LRP1B: variants seen among roughly 807,000 people sequenced by gnomAD.
LRP1B encodes the protein LDL receptor related protein 1B, also known as low-density lipoprotein receptor-related protein 1B.
LRP1B carries 217 observed loss-of-function variants against 556.6 expected under a neutral mutation model. The ratio of observed to expected loss-of-function variants is 0.39; its 90% CI spans 0.35 to 0.44. The LOEUF (loss-of-function observed/expected upper bound fraction) is 0.44, where lower values mean the gene tolerates loss of function less well. Ranked by LOEUF, LRP1B falls within the 20% of genes least tolerant of loss-of-function variation. The probability of loss-of-function intolerance (pLI) is 1.00; values close to 1 mark genes in which losing one functional copy is unlikely to be tolerated. For missense variants in LRP1B, 5,053 were observed against 5,620.8 expected, an observed-to-expected ratio of 0.90 and a Z score of 3.23; for synonymous variants, 2,047 against 1,865.8, an observed-to-expected ratio of 1.10 and a Z score of -2.50.
At chr2:141,026,897 A>G (rs533299998) in intron 11 of LRP1B, among the ~76,000 whole-genome samples, 1 of 152,118 alleles carries the variant, frequency 6.6e-6, no homozygotes, top group Non-Finnish European at 1.5e-5. Context: ...ACAAATAATG[A>G]AACAAAGACC....
chr2:141,585,268 T>C, intron 2 of LRP1B, among the ~76,000 whole-genome samples: 1 of 152,336 alleles, frequency 6.6e-6, no homozygotes, highest in South Asian at 2.1e-4. Flanking sequence ...TTTTCTATGC[T>C]ATTTATCCTA....
intron 41 of LRP1B, among the ~76,000 whole-genome samples, chr2:140,650,284 G>A (rs945075836): frequency 2.7e-5 from 4 of 150,850 alleles, no homozygotes; most frequent in African/African-American, 9.7e-5. Flanking sequence ...CCGATAGAAA[G>A]TTAGTTAAAT....
intron 2 of LRP1B, among the ~76,000 whole-genome samples, chr2:141,753,166 T>C (rs1694180615): frequency 6.9e-6 from 1 of 144,162 alleles, no homozygotes; most frequent in South Asian, 2.2e-4. Flanking sequence ...GAGAATCGCT[T>C]GAACCTGGGA....
At chr2:141,234,625 C>T (rs300382) in intron 5 of LRP1B, among the ~76,000 whole-genome samples, 61,426 of 151,868 alleles carry the variant, frequency 0.4, 12,741 homozygotes, top group African/African-American at 0.51. Flanking sequence ...GATCTGCCCG[C>T]CTCGGCCTCC....
chr2:140,579,809 T>A (rs1446664825), intron 43 of LRP1B, among the ~76,000 whole-genome samples: 1 of 152,120 alleles, frequency 6.6e-6, no homozygotes, highest in Non-Finnish European at 1.5e-5. Context: ...GCCACTGCAC[T>A]CCAGCCTGGG....
At chr2:140,307,765 T>C (rs1400434444) in intron 83 of LRP1B, among the ~76,000 whole-genome samples, 1 of 151,744 alleles carries the variant, frequency 6.6e-6, no homozygotes, top group South Asian at 2.1e-4. Flanking sequence ...AGTGTTGATT[T>C]TCAGTGATAA....
At chr2:142,112,139 A>G (rs1707014459) in intron 1 of LRP1B, among the ~76,000 whole-genome samples, 2 of 152,022 alleles carry the variant, frequency 1.3e-5, no homozygotes. Flanking sequence ...GCCTAACACC[A>G]CCCAGAAAAC....
intron 72 of LRP1B, among the ~76,000 whole-genome samples, chr2:140,362,776 T>C (rs933311903): frequency 2.6e-5 from 4 of 151,724 alleles, no homozygotes; most frequent in Non-Finnish European, 4.4e-5. Context: ...ATAAAGTCTT[T>C]CTGTTCCATA....
intron 2 of LRP1B, among the ~76,000 whole-genome samples, chr2:141,809,049 G>C (rs1423055381): frequency 2.6e-5 from 4 of 152,016 alleles, no homozygotes; most frequent in African/African-American, 9.7e-5. Context: ...TATGCTATAA[G>C]GAATCTAGTA....
intron 1 of LRP1B, among the ~76,000 whole-genome samples, chr2:142,027,999 G>GTT (rs1703565738): frequency 6.6e-6 from 1 of 151,862 alleles, no homozygotes; most frequent in Non-Finnish European, 1.5e-5. Flanking sequence ...CTACTTACAA[G>GTT]ACAGAAGTTA....
intron 7 of LRP1B, among the ~76,000 whole-genome samples, chr2:141,067,101 C>T (rs1402365239): frequency 6.6e-6 from 1 of 151,838 alleles, no homozygotes; most frequent in African/African-American, 2.4e-5. Context: ...TCAATAGTAA[C>T]ATAACCTCAT....
chr2:141,566,938 G>T (rs981393736), intron 2 of LRP1B, among the ~76,000 whole-genome samples: 4 of 152,070 alleles, frequency 2.6e-5, no homozygotes, highest in Admixed American at 2.6e-4. Flanking sequence ...TAAAGAAATT[G>T]TATCATTGTT....
At chr2:140,274,960 T>G (rs968574293) in intron 84 of LRP1B, among the ~76,000 whole-genome samples, 1 of 152,036 alleles carries the variant, frequency 6.6e-6, no homozygotes, top group African/African-American at 2.4e-5. Context: ...GGATGTCATT[T>G]ATTGTTGCCT....
At chr2:140,939,560 C>T (rs1285526280) in intron 20 of LRP1B, among the ~76,000 whole-genome samples, 1 of 148,048 alleles carries the variant, frequency 6.8e-6, no homozygotes, top group Admixed American at 6.8e-5. Context: ...TCAATACATG[C>T]TTACTTTTAT....
At position 141,333,340 on chromosome 2, in the gene LRP1B, C is replaced by T. The variant is rs17544468; in HGVS notation, c.344-78699G>A. On this transcript the variant is annotated intron_variant, in intron 3 of 90. Coordinates refer to ENST00000389484, the MANE Select transcript of LRP1B (RefSeq NM_018557.3). ...GAATCATTTACCTCATCTAGGCAAT[C>T]GGAGATTATGATCCCATGATTTACC... Among the ~76,000 whole-genome samples the T allele has an allele frequency of 6.3e-3, 953 of 152,180 alleles. 4 individuals are homozygous for T. Among genetic ancestry groups the T allele is most frequent in the Middle Eastern group, 0.02 (6 of 294 alleles).
chr2:142,060,671 T>C (rs1704872820), intron 1 of LRP1B, among the ~76,000 whole-genome samples: 2 of 152,042 alleles, frequency 1.3e-5, no homozygotes, highest in Non-Finnish European at 2.9e-5. Context: ...TGAATTCATG[T>C]GGTTACTCCA....
chr2:140,752,348 G>C (rs1406164283), intron 35 of LRP1B, among the ~76,000 whole-genome samples: 1 of 71,506 alleles, frequency 1.4e-5, no homozygotes, highest in Non-Finnish European at 3.3e-5. Context: ...TTAATAGGCA[G>C]AGTCCCATTC....
At chr2:140,488,777 C>T (rs1688581656) in intron 57 of LRP1B, among the ~76,000 whole-genome samples, 1 of 151,920 alleles carries the variant, frequency 6.6e-6, no homozygotes, top group Non-Finnish European at 1.5e-5. Flanking sequence ...TCAATATTCA[C>T]CGTAAAGTTG....
chr2:140,874,498 T>C (rs1445283050), intron 25 of LRP1B, among the ~76,000 whole-genome samples: 5 of 152,196 alleles, frequency 3.3e-5, no homozygotes, highest in Admixed American at 6.5e-5. Flanking sequence ...TTCTGTGCAG[T>C]GCAGAAGGTC....
Sources: allele counts gnomAD v4.1 joint callset (sites outside exome capture counted in the v4.1 genomes callset), GRCh38; gene constraint gnomAD v4.1.1; transcripts MANE v1.5; gene names NCBI Gene and HGNC (gene_info 2026-07-23, HGNC 2026-07-21).